The following OPCML variants were observed in gnomAD, a reference collection of about 807,000 sequenced individuals.
The protein encoded by OPCML is opioid binding protein/cell adhesion molecule like, also known as opioid-binding protein/cell adhesion molecule.
OPCML carries 13 observed loss-of-function variants against 37.8 expected under a neutral mutation model. That is an observed-to-expected ratio of 0.34 (90% CI 0.22 to 0.55). The LOEUF (loss-of-function observed/expected upper bound fraction) is 0.55, where lower values mean the gene tolerates loss of function less well. Ranked by LOEUF, OPCML falls within the 20% of genes least tolerant of loss-of-function variation. The pLI is 0.91. For missense variants in OPCML, 341 were observed against 435.6 expected (o/e 0.78, Z 1.93); for synonymous variants, 176 against 168.8 (o/e 1.04, Z -0.33).
chr11:133,134,259 A>G (rs1274185130), intron 1 of OPCML, among the ~76,000 whole-genome samples: 7 of 152,100 alleles, frequency 4.6e-5, no homozygotes, highest in Non-Finnish European at 8.8e-5. Context: ...GCACCACAAA[A>G]CCTGCTTCAC....
intron 3 of OPCML, among the ~76,000 whole-genome samples, chr11:132,605,083 C>T (rs1565703796): frequency 2.6e-5 from 4 of 152,266 alleles, no homozygotes; most frequent in South Asian, 2.1e-4. Flanking sequence ...TGCAGTCACA[C>T]GCCAGCTGTG....
intron 1 of OPCML, among the ~76,000 whole-genome samples, chr11:133,371,111 A>G (rs1445129262): frequency 6.6e-6 from 1 of 152,216 alleles, no homozygotes; most frequent in East Asian, 1.9e-4. Flanking sequence ...CACAACCACA[A>G]TAAGATATTA....
chr11:132,767,201 T>G (rs1053978922), intron 2 of OPCML, among the ~76,000 whole-genome samples: 2 of 152,176 alleles, frequency 1.3e-5, no homozygotes, highest in Non-Finnish European at 2.9e-5. Context: ...AAAAAGGAGT[T>G]TATATATGTA....
intron 2 of OPCML, among the ~76,000 whole-genome samples, chr11:132,825,929 C>G (rs1262054328): frequency 6.6e-6 from 1 of 152,146 alleles, no homozygotes; most frequent in Non-Finnish European, 1.5e-5. Context: ...TGTTTGTTTG[C>G]TTGTGTTTTT....
chr11:132,939,932 T>C (rs778694062), intron 2 of OPCML, among the ~76,000 whole-genome samples: 9 of 152,214 alleles, frequency 5.9e-5, no homozygotes, highest in African/African-American at 9.6e-5. Context: ...AATTCAACCA[T>C]AGTGAAGAGC....
intron 1 of OPCML, among the ~76,000 whole-genome samples, chr11:133,275,702 C>T (rs1941973138): frequency 6.6e-6 from 1 of 152,170 alleles, no homozygotes; most frequent in South Asian, 2.1e-4. Flanking sequence ...AGCACAGAAG[C>T]TGCAGATCTA....
chr11:132,999,065 A>G (rs554874263), intron 1 of OPCML, among the ~76,000 whole-genome samples: 6 of 152,326 alleles, frequency 3.9e-5, no homozygotes, highest in Non-Finnish European at 8.8e-5. Flanking sequence ...TGTGATGTCA[A>G]CTAGCTGCAG....
At chr11:132,976,214 T>C (rs1946460138) in intron 1 of OPCML, among the ~76,000 whole-genome samples, 1 of 152,114 alleles carries the variant, frequency 6.6e-6, no homozygotes, top group Non-Finnish European at 1.5e-5. Flanking sequence ...AGAAGATTTG[T>C]CTGTAGTTAG....
At chr11:132,598,209 T>G (rs1040985650) in intron 3 of OPCML, among the ~76,000 whole-genome samples, 1 of 152,334 alleles carries the variant, frequency 6.6e-6, no homozygotes, top group Non-Finnish European at 1.5e-5. Flanking sequence ...TCCATCCCCG[T>G]ATTAGCAATT....
At chr11:132,452,188 A>T (rs574624885) in intron 4 of OPCML, among the ~76,000 whole-genome samples, 4 of 152,194 alleles carry the variant, frequency 2.6e-5, no homozygotes, top group East Asian at 3.9e-4. Flanking sequence ...GTTGTTAATG[A>T]CTTTTGTGTC....
intron 1 of OPCML, among the ~76,000 whole-genome samples, chr11:133,183,794 A>G (rs113437904): frequency 0.014 from 2,113 of 152,332 alleles, 17 homozygotes; most frequent in Non-Finnish European, 0.02. Flanking sequence ...AACATGAACT[A>G]TTCAGCTCAT....
intron 3 of OPCML, among the ~76,000 whole-genome samples, chr11:132,591,893 A>G (rs1016211708): frequency 2.6e-5 from 4 of 152,212 alleles, no homozygotes; most frequent in African/African-American, 9.6e-5. Flanking sequence ...ACAGATTGAT[A>G]CTATATAGTG....
At chr11:132,856,668 T>C (rs935473302) in intron 2 of OPCML, among the ~76,000 whole-genome samples, 15 of 152,176 alleles carry the variant, frequency 9.9e-5, no homozygotes, top group African/African-American at 3.4e-4. Flanking sequence ...CCTCTAGGAA[T>C]ACTCAACTGG....
At chr11:132,949,520 G>A (rs1290763788) in intron 1 of OPCML, among the ~76,000 whole-genome samples, 24 of 152,196 alleles carry the variant, frequency 1.6e-4, no homozygotes, top group Admixed American at 1.5e-3. Context: ...CTTCCAACCA[G>A]TATCCTGGGC....
chr11:133,264,266 C>T (rs1334518997), intron 1 of OPCML, among the ~76,000 whole-genome samples: 4 of 152,160 alleles, frequency 2.6e-5, no homozygotes, highest in Admixed American at 2.6e-4. Context: ...ATGACTCCTT[C>T]CAAGTGACGG....
At chr11:133,503,836 G>A (rs1947969040) in intron 1 of OPCML, among the ~76,000 whole-genome samples, 1 of 152,172 alleles carries the variant, frequency 6.6e-6, no homozygotes. Flanking sequence ...CTCAGAGCTG[G>A]GAAAGCAGAC....
chr11:132,529,662 T>C (rs1246762770), intron 3 of OPCML, among the ~76,000 whole-genome samples: 2 of 152,210 alleles, frequency 1.3e-5, no homozygotes, highest in Non-Finnish European at 1.5e-5. Context: ...CCCAGACCCT[T>C]TTAAAATCTT....
intron 1 of OPCML, among the ~76,000 whole-genome samples, chr11:133,380,678 A>G (rs760191144): frequency 6.6e-6 from 1 of 152,158 alleles, no homozygotes; most frequent in Admixed American, 6.5e-5. Flanking sequence ...ATAATACCTC[A>G]CATTTATTCT....
chr11:132,627,649 G>A (rs192150578), intron 3 of OPCML, among the ~76,000 whole-genome samples: 89 of 152,318 alleles, frequency 5.8e-4, no homozygotes, highest in Non-Finnish European at 2.4e-4. Flanking sequence ...TCGACATGTA[G>A]ATGATTTCAG....
Sources: allele counts gnomAD v4.1 joint callset (sites outside exome capture counted in the v4.1 genomes callset), GRCh38; gene constraint gnomAD v4.1.1; transcripts MANE v1.5; gene names NCBI Gene and HGNC (gene_info 2026-07-23, HGNC 2026-07-21).